NRG3: variants seen among roughly 807,000 people sequenced by gnomAD.
The protein encoded by NRG3 is neuregulin 3, also known as pro-neuregulin-3, membrane-bound isoform.
NRG3 carries 31 observed loss-of-function variants against 66.9 expected under a neutral mutation model. That is an observed-to-expected ratio of 0.46 (90% confidence interval 0.35 to 0.63). The LOEUF is 0.63. NRG3 is among the 20% of genes least tolerant of loss of function. NRG3 has a pLI of 0.00. For synonymous variants in NRG3, 393 were observed against 359.4 expected (o/e 1.09, Z -1.06); for missense variants, 910 against 878.9 (o/e 1.04, Z -0.45).
chr10:82,601,201 G>A (rs2047607039), intron 2 of NRG3, among the ~76,000 whole-genome samples: 1 of 152,130 alleles, frequency 6.6e-6, no homozygotes, highest in Admixed American at 6.6e-5. Flanking sequence ...CCATTGATGG[G>A]CACCTAGGTT....
At chr10:82,390,698 G>T (rs868059489) in intron 2 of NRG3, among the ~76,000 whole-genome samples, 1 of 152,242 alleles carries the variant, frequency 6.6e-6, no homozygotes. Flanking sequence ...ACCAAAAATG[G>T]TAACTCTCTA....
In NRG3 at chr10:82,536,868, A is replaced by G. The variant is rs190341955; in HGVS notation, c.953+178000A>G. Among the ~76,000 whole-genome samples, 3 of 151,308 alleles carry G rather than the reference A, an allele frequency of 2.0e-5. No homozygotes were observed. In the East Asian group the frequency reaches 5.8e-4, roughly 29 times the overall value. On this transcript the variant is annotated intron_variant, in intron 2 of 8. Transcript: ENST00000372141. ...ATAATTTTTATTATTAAATATTTTT[A>G]TTATTAAATTGATTTTATTATTAAA...
chr10:82,290,991 T>C (rs999815475), intron 1 of NRG3, among the ~76,000 whole-genome samples: 2 of 151,826 alleles, frequency 1.3e-5, no homozygotes, highest in Non-Finnish European at 2.9e-5. Flanking sequence ...CACACACACA[T>C]ACACATTATT....
intron 1 of NRG3, among the ~76,000 whole-genome samples, chr10:81,962,512 CTAGA>C (rs1472093372): frequency 6.6e-6 from 1 of 152,118 alleles, no homozygotes; most frequent in Non-Finnish European, 1.5e-5. Flanking sequence ...CTGATAAATC[CTAGA>C]TAGAAATGTA....
intron 1 of NRG3, among the ~76,000 whole-genome samples, chr10:82,058,211 A>G (rs1368659664): frequency 1.3e-5 from 2 of 152,092 alleles, no homozygotes; most frequent in East Asian, 3.9e-4. Context: ...TAAGGATAGC[A>G]ATTCTAGGCC....
At chr10:82,385,490 G>C (rs536935737) in intron 2 of NRG3, among the ~76,000 whole-genome samples, 213 of 152,114 alleles carry the variant, frequency 1.4e-3, no homozygotes, top group Non-Finnish European at 2.4e-3. Flanking sequence ...GATATTCACT[G>C]GTAGGCAGGT....
chr10:82,080,853 A>G (rs1024475903), intron 1 of NRG3, among the ~76,000 whole-genome samples: 2 of 152,146 alleles, frequency 1.3e-5, no homozygotes, highest in African/African-American at 2.4e-5. Context: ...AAACTTTTTC[A>G]TCATCAACAA....
intron 1 of NRG3, among the ~76,000 whole-genome samples, chr10:82,240,556 G>T (rs1194111279): frequency 6.6e-6 from 1 of 152,168 alleles, no homozygotes; most frequent in Non-Finnish European, 1.5e-5. Context: ...TTTTCAATCA[G>T]TCACTCGAGT....
chr10:82,346,563 A>C (rs1015444402), intron 1 of NRG3, among the ~76,000 whole-genome samples: 1 of 152,054 alleles, frequency 6.6e-6, no homozygotes, highest in African/African-American at 2.4e-5. Flanking sequence ...TTGGTATCAG[A>C]ATGATGCTGG....
chr10:82,578,749 A>G (rs1409264054), intron 2 of NRG3, among the ~76,000 whole-genome samples: 2 of 151,808 alleles, frequency 1.3e-5, no homozygotes, highest in African/African-American at 4.8e-5. Context: ...TATGTCCATT[A>G]CTTTGCTTAA....
chr10:82,558,429 T>C (rs914069695), intron 2 of NRG3, among the ~76,000 whole-genome samples: 1 of 152,156 alleles, frequency 6.6e-6, no homozygotes. Flanking sequence ...TGCAGATTAA[T>C]CTAGATGATC....
intron 3 of NRG3, among the ~76,000 whole-genome samples, chr10:82,824,068 TCTA>T (rs1564537670): frequency 6.6e-6 from 1 of 152,144 alleles, no homozygotes; most frequent in Non-Finnish European, 1.5e-5. Flanking sequence ...AAACCACTAA[TCTA>T]CTTTCTGTCT....
chr10:82,487,282 A>C (rs2132209147), intron 2 of NRG3, among the ~76,000 whole-genome samples: 1 of 152,202 alleles, frequency 6.6e-6, no homozygotes, highest in East Asian at 1.9e-4. Flanking sequence ...GCAAGTATGT[A>C]AATGCATTTT....
chr10:82,372,081 C>T (rs554153414), intron 2 of NRG3, among the ~76,000 whole-genome samples: 41 of 152,250 alleles, frequency 2.7e-4, no homozygotes, highest in Non-Finnish European at 4.1e-4. Context: ...GAAGCCAGGA[C>T]GGGCTTCAGA....
chr10:82,003,988 A>AACGC (rs2061275891), intron 1 of NRG3, among the ~76,000 whole-genome samples: 1 of 134,338 alleles, frequency 7.4e-6, no homozygotes, highest in African/African-American at 2.8e-5. Flanking sequence ...CCTGACTGAA[A>AACGC]ACACACACAC....
chr10:82,013,216 G>C (rs1190926889), intron 1 of NRG3, among the ~76,000 whole-genome samples: 1 of 152,162 alleles, frequency 6.6e-6, no homozygotes, highest in Non-Finnish European at 1.5e-5. Flanking sequence ...CAACAGGCAA[G>C]AGAGCTTGTG....
chr10:82,484,946 A>G (rs1043445945), intron 2 of NRG3, among the ~76,000 whole-genome samples: 13 of 152,204 alleles, frequency 8.5e-5, no homozygotes, highest in African/African-American at 3.1e-4. Context: ...ACTACTAGTG[A>G]CTAACACTTT....
intron 4 of NRG3, among the ~76,000 whole-genome samples, chr10:82,881,166 G>T (rs1842267709): frequency 6.6e-6 from 1 of 152,204 alleles, no homozygotes; most frequent in Non-Finnish European, 1.5e-5. Flanking sequence ...CAAGCTCATT[G>T]GTTCTGGGCA....
At chr10:82,717,591 G>T (rs1388245108) in intron 2 of NRG3, among the ~76,000 whole-genome samples, 1 of 148,900 alleles carries the variant, frequency 6.7e-6, no homozygotes, top group Admixed American at 6.6e-5. Flanking sequence ...AGTAGAGACA[G>T]GGTTTCACCA....
Sources: gnomAD v4.1 joint callset for allele counts (sites outside exome capture counted in the v4.1 genomes callset) on GRCh38, gnomAD v4.1.1 for gene constraint, MANE v1.5 for transcripts, NCBI Gene and HGNC (gene_info 2026-07-23, HGNC 2026-07-21) for gene names.